Variants in TMEM116 observed in about 807,000 individuals in gnomAD.
The protein encoded by TMEM116 is transmembrane protein 116.
A neutral mutation model predicts 44.3 loss-of-function variants in TMEM116; 38 were observed. The ratio of observed to expected loss-of-function variants is 0.86; its 90% CI spans 0.66 to 1.12. The LOEUF (loss-of-function observed/expected upper bound fraction) is 1.12. TMEM116 is among the 50% of genes most tolerant of loss of function. The probability of loss-of-function intolerance (pLI) is 0.00; values close to 1 mark genes in which losing one functional copy is unlikely to be tolerated. For missense variants in TMEM116, 354 were observed against 401.7 expected (o/e 0.88, Z 1.01); for synonymous variants, 132 against 144.8 (o/e 0.91, Z 0.64).
chr12:111,952,116 C>G (rs2073778877), intron 4 of TMEM116, among the ~76,000 whole-genome samples: 1 of 152,102 alleles, frequency 6.6e-6, no homozygotes, highest in Non-Finnish European at 1.5e-5. Context: ...GTAATCCCAG[C>G]TACTTGGGAC....
chr12:111,971,490 C>A, intron 4 of TMEM116, among the ~76,000 whole-genome samples: 2 of 144,002 alleles, frequency 1.4e-5, no homozygotes, highest in Non-Finnish European at 1.5e-5. Context: ...GTAACACAAC[C>A]AGTAACTTAA....
chr12:111,961,388 G>A (rs1483749703), intron 4 of TMEM116, among the ~76,000 whole-genome samples: 2 of 152,212 alleles, frequency 1.3e-5, no homozygotes, highest in Admixed American at 1.3e-4. Context: ...AAAAATTCAG[G>A]ACAATATCCC....
intron 4 of TMEM116, among the ~76,000 whole-genome samples, chr12:111,948,715 T>C (rs2073474734): frequency 6.6e-6 from 1 of 152,194 alleles, no homozygotes; most frequent in African/African-American, 2.4e-5. Flanking sequence ...ATATATTTAT[T>C]TTAATTTTAT....
chr12:112,004,759 C>A (rs1466565889), intron 2 of TMEM116, among the ~76,000 whole-genome samples: 1 of 151,966 alleles, frequency 6.6e-6, no homozygotes, highest in Non-Finnish European at 1.5e-5. Context: ...GAACTACAGA[C>A]ACATACCACC....
chr12:111,939,941 G>T, intron 5 of TMEM116, among the ~76,000 whole-genome samples: 1 of 126,568 alleles, frequency 7.9e-6, no homozygotes, highest in Non-Finnish European at 1.7e-5. Flanking sequence ...TGTGTATGGA[G>T]CTACTACAAC....
At position 112,013,109 on chromosome 12, in the gene TMEM116, C is replaced by T. The variant is rs2077930563; in HGVS notation, c.-141G>A. Reference sequence around the variant, plus strand: ...GAGAGGAAGGACAGCAAACGAATTGCTATAGCGTCCCCATGCGCACTTGGC... The same window carrying T: ...GAGAGGAAGGACAGCAAACGAATTGTTATAGCGTCCCCATGCGCACTTGGC... On this transcript the variant is annotated 5_prime_UTR_variant, in exon 1 of 11. An upstream open reading frame in the 5' UTR loses its in-frame stop. Coordinates refer to ENST00000552374, the MANE Select transcript of TMEM116 (RefSeq NM_001193531.2). The T allele has an allele frequency of 3.9e-6, 1 of 256,964 alleles. No homozygotes were observed. The highest frequency in any genetic ancestry group is 1.0e-4 in the South Asian group (1 of 9,760). The allele number at this position is 256,964 out of a possible 1,614,324, so 15.9% of individuals were successfully genotyped here.
At chr12:111,945,073 TAA>T (rs1231486290) in intron 4 of TMEM116, among the ~76,000 whole-genome samples, 35 of 56,628 alleles carry the variant, frequency 6.2e-4, no homozygotes, top group Non-Finnish European at 7.3e-4. Context: ...AGACTCCATC[TAA>T]AAAAAAAAAA....
intron 3 of TMEM116, among the ~76,000 whole-genome samples, chr12:112,002,195 G>A (rs2077293899): frequency 6.6e-6 from 1 of 152,002 alleles, no homozygotes; most frequent in African/African-American, 2.4e-5. Context: ...AGGCATGGTG[G>A]CTCACACCTA....
chr12:111,990,239 A>T (rs1187953321), intron 4 of TMEM116, among the ~76,000 whole-genome samples: 1 of 149,074 alleles, frequency 6.7e-6, no homozygotes, highest in Non-Finnish European at 1.5e-5. Context: ...TCAGCGACAG[A>T]GCGAGACTCC....
At chr12:111,979,350 T>C (rs2075830460) in intron 4 of TMEM116, among the ~76,000 whole-genome samples, 1 of 152,110 alleles carries the variant, frequency 6.6e-6, no homozygotes, top group African/African-American at 2.4e-5. Context: ...TGGATGAAAC[T>C]TCAAAACATT....
intron 4 of TMEM116, among the ~76,000 whole-genome samples, chr12:111,963,419 A>G (rs2074749011): frequency 6.6e-6 from 1 of 152,212 alleles, no homozygotes; most frequent in Non-Finnish European, 1.5e-5. Context: ...CCTTGGAACC[A>G]ACCCAAATGC....
At chr12:111,989,435 C>T (rs1056276651) in intron 4 of TMEM116, among the ~76,000 whole-genome samples, 2 of 152,196 alleles carry the variant, frequency 1.3e-5, no homozygotes, top group African/African-American at 2.4e-5. Context: ...GTCTACTATG[C>T]GTGTGCATGA....
At chr12:111,939,680 T>C (rs1954466841) in intron 5 of TMEM116, among the ~76,000 whole-genome samples, 1 of 149,738 alleles carries the variant, frequency 6.7e-6, no homozygotes, top group South Asian at 2.1e-4. Context: ...AAGAAAAAAT[T>C]AGCCAGGCAT....
At chr12:112,006,454 T>C (rs566882771) in intron 1 of TMEM116, among the ~76,000 whole-genome samples, 7 of 152,310 alleles carry the variant, frequency 4.6e-5, no homozygotes, top group African/African-American at 1.4e-4. Flanking sequence ...AAAAGAGAGA[T>C]TGCATATTCA....
intron 4 of TMEM116, among the ~76,000 whole-genome samples, chr12:111,981,396 A>T (rs2075931913): frequency 6.6e-6 from 1 of 152,160 alleles, no homozygotes; most frequent in African/African-American, 2.4e-5. Flanking sequence ...ATTCGATGAC[A>T]ACTTTGGGGA....
intron 3 of TMEM116, chr12:111,993,915 G>A: frequency 1.4e-6 from 1 of 704,714 alleles, no homozygotes; most frequent in Non-Finnish European, 2.7e-6. Context: ...GTGTATGGAA[G>A]GGAATGTTTG....
intron 2 of TMEM116, among the ~76,000 whole-genome samples, chr12:112,004,426 G>A (rs866672536): frequency 2.7e-5 from 4 of 150,666 alleles, no homozygotes; most frequent in African/African-American, 4.9e-5. Context: ...CTGGAACTAC[G>A]GGCATCTGCT....
At chr12:111,958,277 T>TAACAAAAAAAAAAAAAAA (rs1491480651) in intron 4 of TMEM116, among the ~76,000 whole-genome samples, 1 of 27,494 alleles carries the variant, frequency 3.6e-5, no homozygotes, top group African/African-American at 1.3e-4. Flanking sequence ...CAATAAATAC[T>TAACAAAAAAAAAAAAAAA]AAAAAAAAAA....
At chr12:111,957,938 C>A (rs928959006) in intron 4 of TMEM116, among the ~76,000 whole-genome samples, 3 of 152,184 alleles carry the variant, frequency 2.0e-5, no homozygotes, top group African/African-American at 7.2e-5. Context: ...AGGAAAAATT[C>A]TTCTGCCTTG....
Sources: allele counts gnomAD v4.1 joint callset (sites outside exome capture counted in the v4.1 genomes callset), GRCh38; gene constraint gnomAD v4.1.1; transcripts MANE v1.5; gene names NCBI Gene and HGNC (gene_info 2026-07-23, HGNC 2026-07-21).